The following KCTD16 variants were observed in gnomAD, a reference collection of about 807,000 sequenced individuals.
KCTD16 encodes the protein BTB/POZ domain-containing protein KCTD16.
Under a neutral mutation model 33.2 loss-of-function variants are expected in KCTD16, and 13 were observed. The observed-to-expected ratio is 0.39, with a 90% CI of 0.25 to 0.62. KCTD16 has a LOEUF of 0.62. Among genes scored for constraint, KCTD16 ranks in the 20% least tolerant of loss-of-function variants. KCTD16 has a pLI of 0.50. For missense variants in KCTD16, 441 were observed against 525.1 expected, an observed-to-expected ratio of 0.84 and a Z score of 1.57; for synonymous variants, 197 against 195.3, an observed-to-expected ratio of 1.01 and a Z score of -0.07.
chr5:144,262,093 C>T (rs1755029534), intron 3 of KCTD16, among the ~76,000 whole-genome samples: 1 of 152,124 alleles, frequency 6.6e-6, no homozygotes, highest in Non-Finnish European at 1.5e-5. Context: ...GTGGTCAATG[C>T]TATGAAGATG....
At chr5:144,210,512 C>A (rs1753351788) in intron 3 of KCTD16, among the ~76,000 whole-genome samples, 1 of 152,118 alleles carries the variant, frequency 6.6e-6, no homozygotes, top group African/African-American at 2.4e-5. Flanking sequence ...AAGAAGGTTT[C>A]TTTACTACTT....
chr5:144,212,854 A>T (rs72800578), intron 3 of KCTD16, among the ~76,000 whole-genome samples: 2,191 of 152,264 alleles, frequency 0.014, 23 homozygotes, highest in Non-Finnish European at 0.023. Context: ...ACTTTCATGT[A>T]ACCATCACCC....
At chr5:144,200,637 T>G (rs2126785412) in intron 2 of KCTD16, among the ~76,000 whole-genome samples, 1 of 152,298 alleles carries the variant, frequency 6.6e-6, no homozygotes, top group South Asian at 2.1e-4. Flanking sequence ...CCATCTGAGG[T>G]TAAATGGTTT....
In KCTD16 at chr5:144,206,999, C is replaced by A; in HGVS notation, c.285C>A (p.Val95=). The stretch of plus-strand genomic sequence containing the variant: ...ACTATCTCAGGGACAGGCAGGTGGT[C>A]CTGCCTGATCACTTTCCAGAAAAAG... The part of the protein sequence containing the change: ...ILDYLRDRQV[V]LPDHFPEKGR... The change falls in exon 3 of 4, where the codon GTC becomes GTA. Residue 95 remains valine (V), a synonymous_variant. Coordinates refer to ENST00000512467, the MANE Select transcript of KCTD16 (RefSeq NM_020768.4). 1 of 1,614,038 alleles carries A rather than the reference C, an allele frequency of 6.2e-7. No homozygotes were observed. The highest frequency in any genetic ancestry group is 8.5e-7 in the Non-Finnish European group (1 of 1,180,008).
intron 2 of KCTD16, among the ~76,000 whole-genome samples, chr5:144,176,010 G>C (rs939752792): frequency 6.6e-6 from 1 of 152,118 alleles, no homozygotes; most frequent in African/African-American, 2.4e-5. Flanking sequence ...TGATATGGTG[G>C]AGTGTATTAA....
chr5:144,456,151 C>G (rs1246204066), intron 3 of KCTD16, among the ~76,000 whole-genome samples: 3 of 151,890 alleles, frequency 2.0e-5, no homozygotes, highest in Non-Finnish European at 4.4e-5. Context: ...TAAAAAGGCT[C>G]TTATAATTTA....
At chr5:144,396,048 G>A (rs1173740506) in intron 3 of KCTD16, among the ~76,000 whole-genome samples, 1 of 152,096 alleles carries the variant, frequency 6.6e-6, no homozygotes, top group East Asian at 1.9e-4. Context: ...TCTCTTTGCA[G>A]AAAAAAATTG....
chr5:144,365,773 ATAT>A (rs1367952722), intron 3 of KCTD16, among the ~76,000 whole-genome samples: 1 of 93,426 alleles, frequency 1.1e-5, no homozygotes, highest in African/African-American at 3.2e-5. Context: ...AGGTGAAGGT[ATAT>A]TAGAGAACTT....
At chr5:144,455,195 A>C (rs915891801) in intron 3 of KCTD16, among the ~76,000 whole-genome samples, 1 of 151,890 alleles carries the variant, frequency 6.6e-6, no homozygotes, top group African/African-American at 2.4e-5. Context: ...CACACCCCTA[A>C]CTTTAGAGCA....
intron 3 of KCTD16, among the ~76,000 whole-genome samples, chr5:144,299,072 A>ATATATATATATATATTTTTTTT (rs1491103244): frequency 1.7e-5 from 1 of 57,434 alleles, no homozygotes; most frequent in Non-Finnish European, 3.4e-5. Context: ...ATATATATAT[A>ATATATATATATATATTTTTTTT]TTTTTGTATA....
intron 3 of KCTD16, among the ~76,000 whole-genome samples, chr5:144,329,777 A>G (rs992247917): frequency 6.6e-6 from 1 of 152,198 alleles, no homozygotes; most frequent in African/African-American, 2.4e-5. Context: ...AAGTTTGCAG[A>G]ATACTTTCAC....
chr5:144,434,775 G>A (rs1002173014), intron 3 of KCTD16, among the ~76,000 whole-genome samples: 3 of 152,148 alleles, frequency 2.0e-5, no homozygotes, highest in African/African-American at 7.2e-5. Context: ...TCACTGAATA[G>A]GTCATGTGAA....
chr5:144,453,796 G>A (rs1035966650), intron 3 of KCTD16, among the ~76,000 whole-genome samples: 13 of 151,920 alleles, frequency 8.6e-5, no homozygotes, highest in South Asian at 4.2e-4. Context: ...TTCTAATATC[G>A]TATCTTATAG....
chr5:144,202,773 A>G (rs185853401), intron 2 of KCTD16, among the ~76,000 whole-genome samples: 70 of 152,380 alleles, frequency 4.6e-4, no homozygotes, highest in Non-Finnish European at 7.6e-4. Context: ...AGTGTTTATG[A>G]AAAATACCAA....
At chr5:144,300,013 A>T (rs1176216343) in intron 3 of KCTD16, among the ~76,000 whole-genome samples, 1 of 152,166 alleles carries the variant, frequency 6.6e-6, no homozygotes, top group Non-Finnish European at 1.5e-5. Flanking sequence ...TTAGAAATCG[A>T]TACAGATTAT....
At chr5:144,240,239 A>C (rs757477950) in intron 3 of KCTD16, among the ~76,000 whole-genome samples, 4 of 152,144 alleles carry the variant, frequency 2.6e-5, no homozygotes, top group Non-Finnish European at 5.9e-5. Flanking sequence ...AATGCTTTCA[A>C]ATGAGTATCT....
In KCTD16 at chr5:144,182,186, C is replaced by A. The variant is rs116041215; in HGVS notation, c.-327+7714C>A. Among the ~76,000 whole-genome samples the A allele has an allele frequency of 5.8e-3, 875 of 152,078 alleles. 10 individuals are homozygous for A. Among genetic ancestry groups the A allele is most frequent in the African/African-American group, 0.02 (846 of 41,476 alleles). ...ATGTTAGTTATGGCAGGAGTGGGCT[C>A]CTAATAAGGTTATCCCCATTCATTT... On this transcript the variant is annotated intron_variant, in intron 2 of 3. Coordinates refer to ENST00000512467, the MANE Select transcript of KCTD16 (RefSeq NM_020768.4).
intron 3 of KCTD16, among the ~76,000 whole-genome samples, chr5:144,306,135 G>T (rs887307914): frequency 6.6e-6 from 1 of 152,196 alleles, no homozygotes; most frequent in Non-Finnish European, 1.5e-5. Context: ...TTACACAGAG[G>T]TTTATGTAGC....
At chr5:144,325,288 G>A (rs1392282627) in intron 3 of KCTD16, among the ~76,000 whole-genome samples, 2 of 152,106 alleles carry the variant, frequency 1.3e-5, no homozygotes, top group Non-Finnish European at 2.9e-5. Context: ...GATTTCTGAT[G>A]GACTCCTTTC....
Sources: allele counts gnomAD v4.1 joint callset (sites outside exome capture counted in the v4.1 genomes callset), GRCh38; gene constraint gnomAD v4.1.1; transcripts MANE v1.5; gene names NCBI Gene and HGNC (gene_info 2026-07-23, HGNC 2026-07-21).